AXL: variants seen among roughly 807,000 people sequenced by gnomAD.
AXL encodes AXL receptor tyrosine kinase.
A neutral mutation model predicts 104.5 loss-of-function variants in AXL; 52 were observed. That is an observed-to-expected ratio of 0.50 (90% CI 0.40 to 0.63). The LOEUF is 0.63. Among genes scored for constraint, AXL ranks in the 20% least tolerant of loss-of-function variants. AXL has a pLI of 0.00. For missense variants in AXL, 1,024 were observed against 1,188.5 expected (o/e 0.86, Z 2.04); for synonymous variants, 455 against 473.7 (o/e 0.96, Z 0.51).
chr19:41,249,862 T>C (rs1249808658), intron 14 of AXL, among the ~76,000 whole-genome samples: 1 of 151,960 alleles, frequency 6.6e-6, no homozygotes, highest in African/African-American at 2.4e-5. Context: ...CTTCTCCCTT[T>C]CTCCCCGCTA....
intron 14 of AXL, among the ~76,000 whole-genome samples, chr19:41,249,185 A>G (rs1031574028): frequency 6.6e-5 from 10 of 152,184 alleles, no homozygotes; most frequent in Admixed American, 2.6e-4. Context: ...CTAAAAACCC[A>G]GAATAGCACT....
Position 41,259,058 on chromosome 19 carries a change from G to C in AXL, c.2334-495G>C, listed in dbSNP as rs562067435. Among the ~76,000 whole-genome samples, 3 of 152,284 alleles carry C rather than the reference G, an allele frequency of 2.0e-5. No homozygotes were observed. The South Asian group carries it at 6.2e-4, about 32-fold the overall frequency. ...CATGGCAACCCAGGAGAAAGTGCGA[G>C]GAAGCCACATGCCTTTTATGACCTA... On this transcript the variant is annotated intron_variant, in intron 19 of 19. Transcript: ENST00000301178.
chr19:41,230,409 G>A (rs1161554849), intron 4 of AXL, among the ~76,000 whole-genome samples: 1 of 151,480 alleles, frequency 6.6e-6, no homozygotes, highest in Non-Finnish European at 1.5e-5. Context: ...GTCTCTATCT[G>A]GGGTGTAAGA....
At chr19:41,253,316 T>C (rs2034397872) in intron 16 of AXL, among the ~76,000 whole-genome samples, 1 of 152,006 alleles carries the variant, frequency 6.6e-6, no homozygotes, top group African/African-American at 2.4e-5. Context: ...GCGCACAGCA[T>C]AGGCAAAGGC....
chr19:41,225,075 C>T (rs2033855571), intron 4 of AXL, among the ~76,000 whole-genome samples: 1 of 152,218 alleles, frequency 6.6e-6, no homozygotes, highest in South Asian at 2.1e-4. Flanking sequence ...ACGATCTTGG[C>T]TTACTGTAAC....
At position 41,242,953 on chromosome 19, in the gene AXL, T is replaced by C. The variant is rs1448379426; in HGVS notation, c.1383T>C (p.Ala461=). The C allele has an allele frequency of 6.2e-7, 1 of 1,614,202 alleles. No homozygotes were observed. Among genetic ancestry groups the C allele is most frequent in the Admixed American group, 1.7e-5 (1 of 60,026 alleles). ...TACTGCTAGGAGCAGTCGTGGCCGCTGCCTGTGTCCTCATCTTGGCTCTCT... is the reference window on the plus strand; with the variant it reads ...TACTGCTAGGAGCAGTCGTGGCCGCCGCCTGTGTCCTCATCTTGGCTCTCT... ...WYVLLGAVVA[A]ACVLILALFL... Residue 461 remains alanine, a synonymous_variant, in exon 11 of 20, where the codon GCT becomes GCC. Coordinates refer to ENST00000301178, the MANE Select transcript of AXL (RefSeq NM_021913.5).
intron 14 of AXL, among the ~76,000 whole-genome samples, chr19:41,250,450 T>C (rs1443006884): frequency 6.6e-6 from 1 of 152,212 alleles, no homozygotes; most frequent in Admixed American, 6.5e-5. Context: ...TGCTCTGTTT[T>C]GTTTTGTTTT....
At chr19:41,239,574 C>G (rs1323321551) in intron 9 of AXL, 120 bp from the exon 10 acceptor site, 2 of 1,282,614 alleles carry the variant, frequency 1.6e-6, no homozygotes, top group Non-Finnish European at 2.2e-6. Flanking sequence ...CAAACCTTCA[C>G]TCCCTTACTC....
chr19:41,236,331 TAAAAAA>T (rs36010942), intron 6 of AXL, among the ~76,000 whole-genome samples: 1 of 102,098 alleles, frequency 9.8e-6, no homozygotes, highest in African/African-American at 3.7e-5. Context: ...AGACTCTGTC[TAAAAAA>T]AAAAAAAAAA....
Position 41,248,602 on chromosome 19 carries a change from G to T in AXL, c.1626G>T (p.Leu542=). ...ACAAGGTGGCCCTGGGGAAGACTCT[G>T]GGAGAGGGTGAGTCCCCCGGCAGCA... ...DRHKVALGKT[L]GEGEFGAVME... The change falls in exon 13 of 20, where the codon CTG becomes CTT. Residue 542 remains leucine (L), a synonymous_variant. Coordinates refer to ENST00000301178, the MANE Select transcript of AXL (RefSeq NM_021913.5). 1 of 1,614,106 alleles carries T rather than the reference G, an allele frequency of 6.2e-7. No individual in the cohort carries two copies. Among genetic ancestry groups the T allele is most frequent in the Non-Finnish European group, 8.5e-7 (1 of 1,180,002 alleles).
At chr19:41,241,497 T>C (rs1170464862) in intron 10 of AXL, among the ~76,000 whole-genome samples, 3 of 130,704 alleles carry the variant, frequency 2.3e-5, no homozygotes, top group Non-Finnish European at 4.6e-5. Flanking sequence ...TGAGCCAAGA[T>C]CATGCCACTA....
At chr19:41,220,312 G>T (rs539024344) in intron 1 of AXL, 4 of 236,374 alleles carry the variant, frequency 1.7e-5, no homozygotes, top group Non-Finnish European at 8.3e-6. Context: ...CAGCACCAGC[G>T]CGACCTGTTA....
chr19:41,250,849 C>G (rs1424880040), intron 14 of AXL, among the ~76,000 whole-genome samples: 1 of 152,186 alleles, frequency 6.6e-6, no homozygotes, highest in East Asian at 1.9e-4. Flanking sequence ...AGCGATCCTC[C>G]CCACTCAGCC....
Position 41,221,470 on chromosome 19 carries a change from A to G in AXL, c.409+224A>G, listed in dbSNP as rs995949222. The G allele has an allele frequency of 1.3e-5, 7 of 532,646 alleles. No individual in the cohort carries two copies. In the African/African-American group the frequency reaches 1.4e-4, roughly 10 times the overall value. 33.0% of individuals were successfully genotyped at this position (532,646 alleles called of 1,614,324 possible). ...TGGGGGATTATATGTTCTGGGTGAAAAGACTTCTTGGGGGTAGTTGGATGT... is the reference window on the plus strand; with the variant it reads ...TGGGGGATTATATGTTCTGGGTGAAGAGACTTCTTGGGGGTAGTTGGATGT... On this transcript the variant is annotated intron_variant, in intron 3 of 19. Transcript: ENST00000301178.
At chr19:41,248,660 C>T (rs1367337208) in intron 13 of AXL, 51 bp downstream of exon 13, 2 of 1,611,218 alleles carry the variant, frequency 1.2e-6, no homozygotes, top group Non-Finnish European at 1.7e-6. Context: ...TGAGATCCTG[C>T]ACTTCCACAC....
rs3826715 is a variant in AXL at position 41,243,143 on chromosome 19, G to T, written c.1445+128G>T. 0.031 allele frequency: 43,042 copies of T among 1,374,704 alleles called. 2,599 individuals are homozygous for T. The highest frequency in any genetic ancestry group is 0.23 in the African/African-American group (15,933 of 69,238). 85.2% of individuals were successfully genotyped at this position (1,374,704 alleles called of 1,614,324 possible). A position where few individuals can be genotyped will look rare whatever the true frequency, so the allele number is the denominator to read the frequency against. ...TCAGAATGAGGGCAAGGGAAGCCAG[G>T]CGTGGTGGCTCACGCCTGTAATCCC... On this transcript the variant is annotated intron_variant, in intron 11 of 19. Coordinates refer to ENST00000301178, the MANE Select transcript of AXL (RefSeq NM_021913.5).
Position 41,256,616 on chromosome 19 carries a change from G to C in AXL, c.2196+5G>C. ...TACACCAGCAAGAGCGATGTGGTAGGTGCACTCCCGCCAAGAGTGGGGAAC... is the reference window on the plus strand; with the variant it reads ...TACACCAGCAAGAGCGATGTGGTAGCTGCACTCCCGCCAAGAGTGGGGAAC... On this transcript the variant is annotated splice_donor_5th_base_variant and intron_variant, in intron 18 of 19. Coordinates refer to ENST00000301178, the MANE Select transcript of AXL (RefSeq NM_021913.5). The C allele has an allele frequency of 6.2e-7, 1 of 1,612,066 alleles. No individual in the cohort carries two copies. The highest frequency in any genetic ancestry group is 8.5e-7 in the Non-Finnish European group (1 of 1,178,202).
At chr19:41,220,314 G>A (rs142509597) in intron 1 of AXL, 20 of 239,790 alleles carry the variant, frequency 8.3e-5, no homozygotes, top group Non-Finnish European at 9.8e-5. Context: ...GCACCAGCGC[G>A]ACCTGTTAAG....
intron 6 of AXL, among the ~76,000 whole-genome samples, chr19:41,234,795 A>C (rs1205015274): frequency 6.6e-6 from 1 of 152,180 alleles, no homozygotes; most frequent in East Asian, 1.9e-4. Context: ...CTGTGGCAGT[A>C]AACTCCTTCC....
Sources: gnomAD v4.1 joint callset for allele counts (sites outside exome capture counted in the v4.1 genomes callset) on GRCh38, gnomAD v4.1.1 for gene constraint, MANE v1.5 for transcripts, NCBI Gene and HGNC (gene_info 2026-07-23, HGNC 2026-07-21) for gene names.